Variants in FTCD observed in about 807,000 individuals in gnomAD.
The protein encoded by FTCD is formimidoyltransferase-cyclodeaminase.
Under a neutral mutation model 62.9 loss-of-function variants are expected in FTCD, and 76 were observed. The ratio of observed to expected loss-of-function variants is 1.21; its 90% confidence interval spans 1.00 to 1.46. The LOEUF is 1.46. Ranked by LOEUF, FTCD falls within the 40% of genes most tolerant of loss-of-function variation. FTCD has a pLI of 0.00. For missense variants in FTCD, 845 were observed against 751.3 expected, an observed-to-expected ratio of 1.12 and a Z score of -1.46; for synonymous variants, 397 against 336.9, an observed-to-expected ratio of 1.18 and a Z score of -1.95.
intron 10 of FTCD, chr21:46,142,088 T>TA (rs2079023022): frequency 6.6e-6 from 1 of 152,060 alleles, no homozygotes; most frequent in East Asian, 1.9e-4. Flanking sequence ...CTATCTACTG[T>TA]AAAAAGTAAA....
intron 9 of FTCD, 76 bp from the exon 10 acceptor site, chr21:46,145,654 C>T (rs542666568): frequency 7.3e-6 from 9 of 1,234,980 alleles, no homozygotes; most frequent in African/African-American, 6.2e-5. Context: ...GCCAGGGGCC[C>T]GGGTGATCCC....
chr21:46,145,299 G>T, intron 10 of FTCD, 118 bp downstream of exon 10: 1 of 819,690 alleles, frequency 1.2e-6, no homozygotes, highest in Non-Finnish European at 1.9e-6. Context: ...GACGCCCTCA[G>T]GCCCCTCCTG....
chr21:46,139,048 A>C (rs2078937266), intron 10 of FTCD, 125 bp from the exon 11 acceptor site: 1 of 781,752 alleles, frequency 1.3e-6, no homozygotes, highest in Admixed American at 1.9e-5. Context: ...CTGGGAACCA[A>C]GCTTCTGTTG....
At position 46,155,482 on chromosome 21, in the gene FTCD, C is replaced by A; in HGVS notation, c.42G>T (p.Gly14=). ...LVECVPNFSE[G]KNQEVIDAIS... is the part of the protein sequence containing the mutation. ...CCTCGGGCCTCACCTCCTGGTTCTTCCCCTCCGAAAAGTTGGGGACGCATT... is the reference window on the plus strand; with the variant it reads ...CCTCGGGCCTCACCTCCTGGTTCTTACCCTCCGAAAAGTTGGGGACGCATT... Residue 14 remains glycine (G), a synonymous_variant, in exon 1 of 14, where the codon GGG becomes GGT. Coordinates refer to ENST00000397746, the MANE Select transcript of FTCD (RefSeq NM_206965.2). The A allele has an allele frequency of 1.2e-6, 2 of 1,612,944 alleles. No homozygotes were observed. The highest frequency in any genetic ancestry group is 1.7e-6 in the Non-Finnish European group (2 of 1,179,810).
In FTCD at chr21:46,153,014, GC is replaced by G. The variant is rs2079335961; in HGVS notation, c.259del (p.Ala87ProfsTer2). 6.5e-7 allele frequency: 1 copy of G among 1,549,504 alleles called. No individual in the cohort carries two copies. Among genetic ancestry groups the G allele is most frequent in the Non-Finnish European group, 8.7e-7 (1 of 1,146,860 alleles). The part of the protein sequence containing the change: ...RHQGEHPRMG[A>X]LDVCPFIPVR... ...GGGGATGAAGGGGCAGACGTCTAGG[GC>G]CCCCATGCGGGGGTGCTCTCCTGCA... On this transcript the variant is annotated frameshift_variant, in exon 3 of 14. Coordinates refer to ENST00000397746, the MANE Select transcript of FTCD (RefSeq NM_206965.2). LOFTEE classifies it high-confidence loss of function.
intron 2 of FTCD, among the ~76,000 whole-genome samples, 178 bp from the exon 3 acceptor site, chr21:46,153,213 C>T (rs1185683595): frequency 6.6e-6 from 1 of 152,182 alleles, no homozygotes; most frequent in East Asian, 1.9e-4. Context: ...CAGCCCTGCC[C>T]CAGCGGCAGC....
downstream of FTCD, chr21:46,136,341 A>G: frequency 8.5e-7 from 1 of 1,179,404 alleles, no homozygotes; most frequent in Non-Finnish European, 1.2e-6. Context: ...GGCAGGGAGG[A>G]AAAGTCTCCC....
At chr21:46,144,288 T>G (rs1341958008) in intron 10 of FTCD, among the ~76,000 whole-genome samples, 1 of 150,272 alleles carries the variant, frequency 6.7e-6, no homozygotes, top group East Asian at 2.0e-4. Context: ...TTGTCTTGTG[T>G]CTTTATTTCT....
At position 46,151,690 on chromosome 21, in the gene FTCD, G is replaced by A. The variant is rs2079280154; in HGVS notation, c.504C>T (p.Val168=). ...WAPDFGPSSF[V]PSWGATATGA... Reference sequence around the variant, plus strand: ...CCGTGGCCGTGGCCCCCCAACTGGGGACAAAGGAGCTGGGACCAAAGTCGG... The same window carrying A: ...CCGTGGCCGTGGCCCCCCAACTGGGAACAAAGGAGCTGGGACCAAAGTCGG... The change falls in exon 5 of 14, where the codon GTC becomes GTT. Residue 168 remains valine, a synonymous_variant. Coordinates refer to ENST00000397746, the MANE Select transcript of FTCD (RefSeq NM_206965.2). 6.2e-7 allele frequency: 1 copy of A among 1,613,008 alleles called. No homozygotes were observed. Among genetic ancestry groups the A allele is most frequent in the Non-Finnish European group, 8.5e-7 (1 of 1,179,970 alleles).
intron 4 of FTCD, 41 bp from the exon 5 acceptor site, chr21:46,151,778 G>T (rs750221067): frequency 6.2e-7 from 1 of 1,609,004 alleles, no homozygotes; most frequent in South Asian, 1.1e-5. Context: ...TCCCCCACGG[G>T]AGGGAACAGC....
intron 10 of FTCD, chr21:46,142,676 C>G (rs994269657): frequency 6.6e-6 from 1 of 152,222 alleles, no homozygotes; most frequent in Non-Finnish European, 1.5e-5. Flanking sequence ...AACAAAGCCC[C>G]CACAGCTTGG....
intron 2 of FTCD, among the ~76,000 whole-genome samples, chr21:46,153,321 T>C (rs1339118936): frequency 6.6e-6 from 1 of 152,176 alleles, no homozygotes; most frequent in Non-Finnish European, 1.5e-5. Context: ...GAGCGGGTGG[T>C]CTGGCATCTC....
At chr21:46,139,017 T>TC in intron 10 of FTCD, 94 bp from the exon 11 acceptor site, 1 of 958,342 alleles carries the variant, frequency 1.0e-6, no homozygotes, top group Non-Finnish European at 1.7e-6. Flanking sequence ...AAGGAGCATG[T>TC]CCCAGGCAGG....
At chr21:46,140,160 C>T (rs994845286) in intron 10 of FTCD, among the ~76,000 whole-genome samples, 10 of 151,828 alleles carry the variant, frequency 6.6e-5, no homozygotes, top group Non-Finnish European at 1.2e-4. Flanking sequence ...ATCCAGCACT[C>T]CCCGTCCACC....
At chr21:46,138,408 TG>T in intron 12 of FTCD, 99 bp downstream of exon 12, 1 of 1,213,096 alleles carries the variant, frequency 8.2e-7, no homozygotes, top group Non-Finnish European at 1.2e-6. Context: ...TCTCCCTACC[TG>T]GCTCAGCCCA....
downstream of FTCD, chr21:46,136,416 T>C: frequency 1.2e-6 from 2 of 1,611,638 alleles, no homozygotes; most frequent in Non-Finnish European, 1.7e-6. Flanking sequence ...TCTGTGGAAC[T>C]GTCCAGACCT....
intron 2 of FTCD, 135 bp from the exon 3 acceptor site, chr21:46,153,170 A>G: frequency 1.0e-6 from 1 of 954,102 alleles, no homozygotes; most frequent in Non-Finnish European, 1.5e-6. Context: ...GCTCACACTG[A>G]CCCACAGGGA....
chr21:46,153,416 G>C (rs925034828), intron 2 of FTCD, among the ~76,000 whole-genome samples: 1 of 152,104 alleles, frequency 6.6e-6, no homozygotes, highest in Non-Finnish European at 1.5e-5. Flanking sequence ...GCCCCGGCCA[G>C]GCCAAGAGGG....
intron 11 of FTCD, 72 bp from the exon 12 acceptor site, chr21:46,138,718 C>A (rs1255159330): frequency 6.6e-7 from 1 of 1,522,886 alleles, no homozygotes; most frequent in Admixed American, 1.7e-5. Flanking sequence ...TGCACCCCAA[C>A]AGGGCTGAGC....
Sources: gnomAD v4.1 joint callset for allele counts (sites outside exome capture counted in the v4.1 genomes callset) on GRCh38, gnomAD v4.1.1 for gene constraint, MANE v1.5 for transcripts, NCBI Gene and HGNC (gene_info 2026-07-23, HGNC 2026-07-21) for gene names.